The following USH2A variants were observed in gnomAD, a reference collection of about 807,000 sequenced individuals.
USH2A encodes the protein Usher syndrome 2A (autosomal recessive, mild).
In USH2A, 443 loss-of-function variants were observed where a neutral mutation model predicts 538.9. The observed-to-expected ratio is 0.82, with a 90% CI of 0.76 to 0.89. The LOEUF is 0.89. USH2A is among the 40% of genes least tolerant of loss of function. USH2A has a pLI of 0.00. For missense variants in USH2A, 6,633 were observed against 6,324.8 expected (o/e 1.05, Z -1.65); for synonymous variants, 2,413 against 2,273.5 (o/e 1.06, Z -1.75).
chr1:216,327,497 T>C (rs2037758375), intron 5 of USH2A, 94 bp downstream of exon 5: 3 of 1,449,178 alleles, frequency 2.1e-6, no homozygotes, highest in Admixed American at 1.7e-5. Flanking sequence ...GGTATAAAGA[T>C]AAAAAATGGT....
chr1:216,321,817 A>G (rs2037614868), intron 9 of USH2A, 66 bp downstream of exon 9: 3 of 1,389,984 alleles, frequency 2.2e-6, no homozygotes, highest in Non-Finnish European at 3.1e-6. Flanking sequence ...GATTAAGTTC[A>G]TAGAATTTAT....
intron 13 of USH2A, among the ~76,000 whole-genome samples, chr1:216,235,560 C>T (rs905975521): frequency 6.6e-6 from 1 of 152,180 alleles, no homozygotes; most frequent in Non-Finnish European, 1.5e-5. Context: ...AATAGTGTGG[C>T]TTTGCCTAGG....
chr1:215,882,584 T>G (rs1256812583), intron 41 of USH2A, among the ~76,000 whole-genome samples: 2 of 152,168 alleles, frequency 1.3e-5, no homozygotes, highest in Non-Finnish European at 2.9e-5. Context: ...TTCACTCAGG[T>G]GAAAACTTAA....
intron 47 of USH2A, among the ~76,000 whole-genome samples, chr1:215,827,101 G>T (rs1663178771): frequency 6.6e-6 from 1 of 152,046 alleles, no homozygotes; most frequent in Non-Finnish European, 1.5e-5. Flanking sequence ...TGGGTATGTG[G>T]GATTAGAGTT....
intron 38 of USH2A, among the ~76,000 whole-genome samples, chr1:215,920,691 T>A (rs1051236557): frequency 1.3e-5 from 2 of 152,002 alleles, no homozygotes; most frequent in African/African-American, 4.8e-5. Context: ...TAGCAAGTGG[T>A]GGATAAGTTG....
At chr1:215,722,318 G>A (rs1489101957) in intron 61 of USH2A, among the ~76,000 whole-genome samples, 1 of 152,060 alleles carries the variant, frequency 6.6e-6, no homozygotes, top group Non-Finnish European at 1.5e-5. Flanking sequence ...GAGTATTTCT[G>A]TTGTCTAATA....
intron 3 of USH2A, among the ~76,000 whole-genome samples, chr1:216,378,211 TAAAAG>T (rs759436966): frequency 1.2e-4 from 18 of 152,186 alleles, no homozygotes; most frequent in Non-Finnish European, 2.4e-4. Context: ...GTGAAATACT[TAAAAG>T]GTAAAGGTGA....
intron 58 of USH2A, among the ~76,000 whole-genome samples, chr1:215,753,580 A>G (rs1210615252): frequency 5.3e-5 from 8 of 152,022 alleles, no homozygotes; most frequent in Admixed American, 4.6e-4. Context: ...CAAACACCAC[A>G]TGTTCTCACT....
intron 47 of USH2A, among the ~76,000 whole-genome samples, chr1:215,825,307 C>T (rs1351690107): frequency 2.0e-5 from 3 of 152,062 alleles, no homozygotes; most frequent in Non-Finnish European, 4.4e-5. Context: ...ACTCAGCCTC[C>T]CAACTAGTTA....
At chr1:215,814,551 C>T (rs1394305533) in intron 48 of USH2A, among the ~76,000 whole-genome samples, 1 of 151,934 alleles carries the variant, frequency 6.6e-6, no homozygotes. Flanking sequence ...TATTGTAGGT[C>T]TAAAGGCGAG....
chr1:216,175,243 C>T lies in USH2A; in HGVS notation c.4627+9G>A, dbSNP rs1194035060. 1 of 1,613,392 alleles carries T rather than the reference C, an allele frequency of 6.2e-7. No homozygotes were observed. The highest frequency in any genetic ancestry group is 8.5e-7 in the Non-Finnish European group (1 of 1,179,724). ...GTCTCCTAAATAAAGCAATGTCAAA[C>T]ACACTTACCAGTGAAGTCTGTATTG... is the stretch of plus-strand genomic sequence containing the variant. On this transcript the variant is annotated intron_variant, in intron 21 of 71. Coordinates refer to ENST00000307340, the MANE Select transcript of USH2A (RefSeq NM_206933.4).
At chr1:216,112,463 A>G (rs76975775) in intron 21 of USH2A, among the ~76,000 whole-genome samples, 2,176 of 152,300 alleles carry the variant, frequency 0.014, 53 homozygotes, top group African/African-American at 0.05. Context: ...TGTGTTTTAT[A>G]AAAACTTTTA....
At chr1:215,684,108 C>A (rs891796819) in intron 61 of USH2A, among the ~76,000 whole-genome samples, 1 of 152,146 alleles carries the variant, frequency 6.6e-6, no homozygotes, top group East Asian at 1.9e-4. Flanking sequence ...CCTTCTTTAA[C>A]TTTATATGCA....
intron 14 of USH2A, among the ~76,000 whole-genome samples, chr1:216,222,861 A>T (rs549606258): frequency 6.6e-6 from 1 of 151,842 alleles, no homozygotes; most frequent in South Asian, 2.1e-4. Context: ...GCTTGTAATC[A>T]CAGCTACTCG....
At chr1:216,294,633 T>A (rs1219069590) in intron 9 of USH2A, among the ~76,000 whole-genome samples, 1 of 151,882 alleles carries the variant, frequency 6.6e-6, no homozygotes, top group African/African-American at 2.4e-5. Context: ...GTATAAACAT[T>A]TTAAAGATTT....
chr1:215,689,848 C>G (rs550635924), intron 61 of USH2A, among the ~76,000 whole-genome samples: 2 of 152,304 alleles, frequency 1.3e-5, no homozygotes, highest in South Asian at 4.1e-4. Context: ...AACAGACACC[C>G]TAATTGTAGC....
rs577586669 is a variant in USH2A, at chr1:216,305,627, AG to A, written c.1645-13258del. ...GTCCTGTGAGATTTATGCTTTAAGG[AG>A]GTTGTATTCTGGTGTATTTCAAGGA... On this transcript the variant is annotated intron_variant, in intron 9 of 71. Transcript: ENST00000307340. Among the ~76,000 whole-genome samples the A allele has an allele frequency of 9.7e-4, 147 of 151,544 alleles. 1 individual carries two copies. Among genetic ancestry groups the A allele is most frequent in the African/African-American group, 3.4e-3 (141 of 41,306 alleles).
intron 11 of USH2A, among the ~76,000 whole-genome samples, chr1:216,270,166 C>T (rs887928930): frequency 6.6e-6 from 1 of 152,048 alleles, no homozygotes; most frequent in Non-Finnish European, 1.5e-5. Flanking sequence ...TTTCTATGCA[C>T]TCATCTGTCT....
At position 215,819,401 on chromosome 1, in the gene USH2A, A is replaced by G. The variant is rs1048379445; in HGVS notation, c.9372-2206T>C. Among the ~76,000 whole-genome samples the G allele has an allele frequency of 1.7e-4, 14 of 83,682 alleles. 1 individual carries two copies. The highest frequency in any genetic ancestry group is 8.1e-4 in the African/African-American group (13 of 15,988). The allele number at this position is 83,682 out of a possible 152,430, so 54.9% of individuals were successfully genotyped here. A position where few individuals can be genotyped will look rare whatever the true frequency, so the allele number is the denominator to read the frequency against. ...AAGATAAACCTCAACATTTTCATAG[A>G]CTGCTAAAAAAAGAAAACTATTATT... On this transcript the variant is annotated intron_variant, in intron 47 of 71. Coordinates refer to ENST00000307340, the MANE Select transcript of USH2A (RefSeq NM_206933.4).
Sources: gnomAD v4.1 joint callset for allele counts (sites outside exome capture counted in the v4.1 genomes callset) on GRCh38, gnomAD v4.1.1 for gene constraint, MANE v1.5 for transcripts, NCBI Gene and HGNC (gene_info 2026-07-23, HGNC 2026-07-21) for gene names.